CDH19: variants seen among roughly 807,000 people sequenced by gnomAD.
CDH19 encodes cadherin-19.
CDH19 carries 67 observed loss-of-function variants against 64.2 expected under a neutral mutation model. That is an observed-to-expected ratio of 1.04 (90% CI 0.86 to 1.28). The LOEUF (loss-of-function observed/expected upper bound fraction) is 1.28. Among genes scored for constraint, CDH19 ranks in the 50% most tolerant of loss-of-function variants. CDH19 has a pLI of 0.00. For missense variants in CDH19, 1,030 were observed against 929.0 expected (o/e 1.11, Z -1.41); for synonymous variants, 346 against 319.3 (o/e 1.08, Z -0.89).
chr18:66,554,396 C>A lies in CDH19; in HGVS notation c.610+9G>T. ...CATGTTAAACTTTGCTTGTTTCATT[C>A]ACAAATACCTGTTGTTGGTTCAACA... On this transcript the variant is annotated intron_variant, in intron 4 of 11. Coordinates refer to ENST00000262150, the MANE Select transcript of CDH19 (RefSeq NM_021153.4). The A allele has an allele frequency of 6.2e-7, 1 of 1,609,570 alleles. No homozygotes were observed. The highest frequency in any genetic ancestry group is 8.5e-7 in the Non-Finnish European group (1 of 1,177,598).
At chr18:66,571,933 T>A in intron 2 of CDH19, 77 bp downstream of exon 2, 2 of 1,096,352 alleles carry the variant, frequency 1.8e-6, no homozygotes, top group Non-Finnish European at 2.6e-6. Context: ...GTGGAACTCA[T>A]CAAATCTCCA....
At chr18:66,520,055 T>C (rs929853998) in intron 9 of CDH19, among the ~76,000 whole-genome samples, 1 of 151,950 alleles carries the variant, frequency 6.6e-6, no homozygotes, top group African/African-American at 2.4e-5. Flanking sequence ...TGTGGTGGCA[T>C]GCACCTGTAG....
intron 5 of CDH19, among the ~76,000 whole-genome samples, chr18:66,548,444 C>A (rs1208715995): frequency 1.1e-4 from 16 of 151,214 alleles, no homozygotes; most frequent in African/African-American, 3.7e-4. Context: ...GGAAGAAAGA[C>A]GAGATCAAAG....
intron 9 of CDH19, among the ~76,000 whole-genome samples, chr18:66,513,507 T>G (rs1985592180): frequency 6.6e-6 from 1 of 151,490 alleles, no homozygotes; most frequent in Admixed American, 6.6e-5. Context: ...TTATTGAAGT[T>G]ACCTTGAACA....
At chr18:66,535,251 A>G in intron 7 of CDH19, 144 bp from the exon 8 acceptor site, 1 of 401,988 alleles carries the variant, frequency 2.5e-6, no homozygotes, top group East Asian at 3.8e-5. Context: ...TTAAAACAGT[A>G]TATTCCTGTA....
chr18:66,559,980 G>A (rs1987660817), intron 3 of CDH19, among the ~76,000 whole-genome samples: 1 of 151,882 alleles, frequency 6.6e-6, no homozygotes, highest in South Asian at 2.1e-4. Flanking sequence ...AAATTTGTAT[G>A]GAAAAACAAG....
At chr18:66,528,744 C>T (rs1439212574) in intron 9 of CDH19, among the ~76,000 whole-genome samples, 1 of 152,070 alleles carries the variant, frequency 6.6e-6, no homozygotes, top group Non-Finnish European at 1.5e-5. Flanking sequence ...TATTCCTCAG[C>T]ATAGTAGCTA....
At chr18:66,517,169 T>C (rs1985774256) in intron 9 of CDH19, among the ~76,000 whole-genome samples, 1 of 151,602 alleles carries the variant, frequency 6.6e-6, no homozygotes, top group Non-Finnish European at 1.5e-5. Context: ...AAGAAGTGGA[T>C]AAAAGAAGAA....
At chr18:66,535,817 CATAT>C (rs1409318542) in intron 7 of CDH19, among the ~76,000 whole-genome samples, 1 of 145,640 alleles carries the variant, frequency 6.9e-6, no homozygotes, top group Non-Finnish European at 1.5e-5. Context: ...ATATATGATA[CATAT>C]GTTTTATTAT....
At chr18:66,535,714 T>C (rs2144444837) in intron 7 of CDH19, among the ~76,000 whole-genome samples, 1 of 147,062 alleles carries the variant, frequency 6.8e-6, no homozygotes, top group East Asian at 2.0e-4. Context: ...ATATAACATA[T>C]TTGTAATATT....
Position 66,561,154 on chromosome 18 carries a change from G to C in CDH19, c.491-6630C>G, listed in dbSNP as rs544877115. On this transcript the variant is annotated intron_variant, in intron 3 of 11. Coordinates refer to ENST00000262150, the MANE Select transcript of CDH19 (RefSeq NM_021153.4). ...TTATTGCTCATTTGTCTGACAGACT[G>C]TTTCTCACACTCCATGGAAGAAGCT... is the stretch of plus-strand genomic sequence containing the variant. Among the ~76,000 whole-genome samples, 23 of 152,172 alleles carry C rather than the reference G, an allele frequency of 1.5e-4. 1 individual carries two copies. The South Asian group carries it at 4.6e-3, about 30-fold the overall frequency.
In CDH19 at chr18:66,502,439, A is replaced by G. The variant is rs547393994; in HGVS notation, c.*2373T>C. 16 of 152,088 alleles carry G rather than the reference A, an allele frequency of 1.1e-4. No homozygotes were observed. Among genetic ancestry groups the G allele is most frequent in the African/African-American group, 3.8e-4 (16 of 41,560 alleles). 9.4% of individuals were successfully genotyped at this position (152,088 alleles called of 1,614,324 possible). On this transcript the variant is annotated 3_prime_UTR_variant, in exon 12 of 12. Transcript: ENST00000262150. ...TTTAATGAGTTGTTTATCCAAATGT[A>G]TTCATTGTTTATAAGGCTTTTATTC...
chr18:66,601,560 A>T (rs980288282), intron 1 of CDH19, among the ~76,000 whole-genome samples: 12 of 152,034 alleles, frequency 7.9e-5, no homozygotes, highest in Admixed American at 5.9e-4. Context: ...CAGGATTTTT[A>T]AAAATGATGT....
intron 1 of CDH19, among the ~76,000 whole-genome samples, chr18:66,597,660 G>A (rs1033899422): frequency 5.9e-5 from 9 of 152,086 alleles, no homozygotes; most frequent in Admixed American, 5.2e-4. Flanking sequence ...GGAGCAAACA[G>A]ACAACACACA....
At position 66,535,221 on chromosome 18, in the gene CDH19, T is replaced by A. The variant is rs141412486; in HGVS notation, c.1215-114A>T. ...TTCAATGCATGCTCTACATAGCCAATATATAATACCGAACAACTTTTAAAA... is the reference window on the plus strand; with the variant it reads ...TTCAATGCATGCTCTACATAGCCAAAATATAATACCGAACAACTTTTAAAA... On this transcript the variant is annotated intron_variant, in intron 7 of 11. Transcript: ENST00000262150. 7.0e-4 allele frequency: 348 copies of A among 493,688 alleles called. 4 individuals are homozygous for A. The highest frequency in any genetic ancestry group is 6.4e-3 in the African/African-American group (322 of 50,302). 30.6% of individuals were successfully genotyped at this position (493,688 alleles called of 1,614,324 possible).
chr18:66,539,833 T>G (rs1986819591), intron 7 of CDH19, among the ~76,000 whole-genome samples: 1 of 152,102 alleles, frequency 6.6e-6, no homozygotes, highest in Non-Finnish European at 1.5e-5. Flanking sequence ...TATGCTTGTG[T>G]GTATGCATGT....
intron 11 of CDH19, among the ~76,000 whole-genome samples, chr18:66,506,435 TCC>T (rs1434433846): frequency 1.3e-5 from 2 of 151,910 alleles, no homozygotes; most frequent in Admixed American, 6.6e-5. Flanking sequence ...CATAAATATG[TCC>T]AATTTGTATC....
In CDH19 at chr18:66,577,927, C is replaced by T. The variant is rs116254183; in HGVS notation, c.-112-5611G>A. Among the ~76,000 whole-genome samples the T allele has an allele frequency of 8.2e-4, 124 of 152,060 alleles. 1 individual carries two copies. The highest frequency in any genetic ancestry group is 2.8e-3 in the African/African-American group (118 of 41,546). On this transcript the variant is annotated intron_variant, in intron 1 of 11. Coordinates refer to ENST00000262150, the MANE Select transcript of CDH19 (RefSeq NM_021153.4). ...GCATGCCTTGGTTCATATTCCACCT[C>T]TAGGCCAGCAGCAGAGCATCTTCAA...
chr18:66,589,112 T>C (rs181349372), intron 1 of CDH19, among the ~76,000 whole-genome samples: 77 of 151,894 alleles, frequency 5.1e-4, no homozygotes, highest in Admixed American at 5.1e-3. Context: ...GGAAATTCCA[T>C]AGTCATAAAA....
Sources: allele counts gnomAD v4.1 joint callset (sites outside exome capture counted in the v4.1 genomes callset), GRCh38; gene constraint gnomAD v4.1.1; transcripts MANE v1.5; gene names NCBI Gene and HGNC (gene_info 2026-07-23, HGNC 2026-07-21).